Variants in ARHGAP18 observed in about 807,000 individuals in gnomAD.
ARHGAP18 encodes rho GTPase-activating protein 18.
A neutral mutation model predicts 86.2 loss-of-function variants in ARHGAP18; 67 were observed. The ratio of observed to expected loss-of-function variants is 0.78; its 90% CI spans 0.64 to 0.95. The LOEUF (loss-of-function observed/expected upper bound fraction) is 0.95. ARHGAP18 is among the 40% of genes least tolerant of loss of function. ARHGAP18 has a pLI of 0.00. For missense variants in ARHGAP18, 691 were observed against 780.4 expected (o/e 0.89, Z 1.37); for synonymous variants, 283 against 280.4 (o/e 1.01, Z -0.09).
intron 1 of ARHGAP18, 45 bp from the exon 2 acceptor site, chr6:129,642,063 A>T: frequency 3.2e-6 from 5 of 1,566,560 alleles, no homozygotes; most frequent in Admixed American, 1.7e-5. Context: ...TACAAAAGGA[A>T]GCAGTATAAT....
chr6:129,599,814 T>C (rs1788701103), intron 11 of ARHGAP18, among the ~76,000 whole-genome samples: 1 of 152,124 alleles, frequency 6.6e-6, no homozygotes, highest in African/African-American at 2.4e-5. Context: ...AGCTGATAGG[T>C]AGCTAGCAAA....
intron 1 of ARHGAP18, among the ~76,000 whole-genome samples, chr6:129,688,563 C>T (rs184542542): frequency 1.1e-4 from 16 of 152,222 alleles, no homozygotes; most frequent in African/African-American, 3.1e-4. Context: ...GAGGCCGAGG[C>T]GGGTGGATCA....
intron 5 of ARHGAP18, among the ~76,000 whole-genome samples, chr6:129,625,450 T>TAA (rs571776847): frequency 4.6e-5 from 2 of 43,428 alleles, no homozygotes; most frequent in Non-Finnish European, 3.9e-5. Flanking sequence ...ATATTTTATA[T>TAA]TATATATTAT....
intron 1 of ARHGAP18, among the ~76,000 whole-genome samples, chr6:129,688,024 T>C (rs1483978751): frequency 6.6e-6 from 1 of 152,144 alleles, no homozygotes; most frequent in Non-Finnish European, 1.5e-5. Flanking sequence ...GATGGAGCAA[T>C]TGGGTATTCT....
chr6:129,651,662 C>T (rs1170396907), intron 1 of ARHGAP18, among the ~76,000 whole-genome samples: 2 of 152,138 alleles, frequency 1.3e-5, no homozygotes, highest in African/African-American at 4.8e-5. Context: ...TAACACTCCT[C>T]AGGCCCTGCG....
chr6:129,664,496 G>A (rs1472330007), intron 1 of ARHGAP18, among the ~76,000 whole-genome samples: 2 of 151,964 alleles, frequency 1.3e-5, no homozygotes, highest in African/African-American at 4.8e-5. Flanking sequence ...GAATAGAGAT[G>A]TTAGTAAAGA....
In ARHGAP18 at chr6:129,625,334, T is replaced by C. The variant is rs1273931837; in HGVS notation, c.786+4019A>G. Among the ~76,000 whole-genome samples the C allele has an allele frequency of 2.4e-5, 2 of 84,938 alleles. 1 individual carries two copies. Among genetic ancestry groups the C allele is most frequent in the Non-Finnish European group, 4.0e-5 (2 of 50,484 alleles). The allele number at this position is 84,938 out of a possible 152,430, so 55.7% of individuals were successfully genotyped here. On this transcript the variant is annotated intron_variant, in intron 5 of 14. Coordinates refer to ENST00000368149, the MANE Select transcript of ARHGAP18 (RefSeq NM_033515.3). The stretch of plus-strand genomic sequence containing the variant: ...TATATGTAATATATATGATATATGA[T>C]ATATATTTATATGTAATATATATTA...
At chr6:129,654,760 C>T (rs1773792104) in intron 1 of ARHGAP18, among the ~76,000 whole-genome samples, 1 of 152,202 alleles carries the variant, frequency 6.6e-6, no homozygotes, top group South Asian at 2.1e-4. Context: ...CATCGCTACA[C>T]ACCTGGATCC....
At chr6:129,660,026 G>T (rs757625372) in intron 1 of ARHGAP18, among the ~76,000 whole-genome samples, 5 of 152,152 alleles carry the variant, frequency 3.3e-5, no homozygotes, top group Non-Finnish European at 5.9e-5. Context: ...TAGACAGACT[G>T]CATTCATTTT....
At chr6:129,585,690 C>A (rs1788383707) in intron 12 of ARHGAP18, among the ~76,000 whole-genome samples, 1 of 152,224 alleles carries the variant, frequency 6.6e-6, no homozygotes, top group Non-Finnish European at 1.5e-5. Context: ...CAAACCTGAA[C>A]AAAAATGGAC....
In ARHGAP18 at chr6:129,625,369, ATATATAT is replaced by A. The variant is rs1415758836; in HGVS notation, c.786+3977_786+3983del. Among the ~76,000 whole-genome samples the A allele has an allele frequency of 3.2e-4, 15 of 46,408 alleles. 3 individuals are homozygous for A. The highest frequency in any genetic ancestry group is 9.3e-4 in the African/African-American group (11 of 11,866). The allele number at this position is 46,408 out of a possible 152,430, so 30.4% of individuals were successfully genotyped here. ...TATGTAATATATATTATGTATATTT[ATATATAT>A]TATATATTATATATTTATACATATG... On this transcript the variant is annotated intron_variant, in intron 5 of 14. Coordinates refer to ENST00000368149, the MANE Select transcript of ARHGAP18 (RefSeq NM_033515.3).
At chr6:129,703,982 A>G (rs1411491604) in intron 1 of ARHGAP18, among the ~76,000 whole-genome samples, 3 of 85,282 alleles carry the variant, frequency 3.5e-5, no homozygotes, top group African/African-American at 1.2e-4. Context: ...AAAAAAATAT[A>G]TATATATGAT....
At chr6:129,649,070 A>C in intron 1 of ARHGAP18, among the ~76,000 whole-genome samples, 1 of 152,196 alleles carries the variant, frequency 6.6e-6, no homozygotes, top group Non-Finnish European at 1.5e-5. Context: ...CACTCGCCCC[A>C]CACACACCCA....
chr6:129,647,381 C>T (rs940170108), intron 1 of ARHGAP18, among the ~76,000 whole-genome samples: 1 of 152,280 alleles, frequency 6.6e-6, no homozygotes, highest in African/African-American at 2.4e-5. Flanking sequence ...GTGTTCCCTA[C>T]CCTGTTTAAA....
chr6:129,691,651 G>C (rs1008156191), intron 1 of ARHGAP18, among the ~76,000 whole-genome samples: 8 of 151,832 alleles, frequency 5.3e-5, no homozygotes, highest in African/African-American at 1.5e-4. Context: ...AGTGCTTCTC[G>C]GGCCACCTAA....
rs1562686604 is a variant in ARHGAP18 at position 129,605,967 on chromosome 6, C to T, written c.1283-8G>A. ...GCTTCTTGGTTGGAAGATCTGCAGA[C>T]AAATTAAATAAATCTGAACTCTTTT... On this transcript the variant is annotated splice_polypyrimidine_tract_variant and splice_region_variant and intron_variant, in intron 9 of 14. Coordinates refer to ENST00000368149, the MANE Select transcript of ARHGAP18 (RefSeq NM_033515.3). 1.2e-6 allele frequency: 2 copies of T among 1,611,712 alleles called. No individual in the cohort carries two copies. The highest frequency in any genetic ancestry group is 8.5e-7 in the Non-Finnish European group (1 of 1,178,066).
At position 129,709,895 on chromosome 6, in the gene ARHGAP18, A is replaced by G. The variant is rs1465439196; in HGVS notation, c.113+129T>C. 8 of 691,600 alleles carry G rather than the reference A, an allele frequency of 1.2e-5. No individual in the cohort carries two copies. In the East Asian group the frequency reaches 1.9e-4, roughly 16 times the overall value. 42.8% of individuals were successfully genotyped at this position (691,600 alleles called of 1,614,324 possible). On this transcript the variant is annotated intron_variant, in intron 1 of 14. Coordinates refer to ENST00000368149, the MANE Select transcript of ARHGAP18 (RefSeq NM_033515.3). ...CATAAAAATCACGCCAAACGTTGCT[A>G]CTGCTGCTGCACGAGCTCAGGCTCG...
chr6:129,578,597 G>C lies in ARHGAP18; in HGVS notation c.1908C>G (p.Arg636=). 1.9e-6 allele frequency: 3 copies of C among 1,609,072 alleles called. No homozygotes were observed. The highest frequency in any genetic ancestry group is 2.5e-6 in the Non-Finnish European group (3 of 1,176,998). ...LYEIGGNIGE[R]CLDDDTYMKD... Reference sequence around the variant, plus strand: ...TCATGTAAGTGTCATCATCAAGGCAGCGTTCCCCTGTTAAAATAGATGTTG... The same window carrying C: ...TCATGTAAGTGTCATCATCAAGGCACCGTTCCCCTGTTAAAATAGATGTTG... Residue 636 remains arginine (R), a synonymous_variant, in exon 15 of 15, where the codon CGC becomes CGG. Coordinates refer to ENST00000368149, the MANE Select transcript of ARHGAP18 (RefSeq NM_033515.3).
At chr6:129,633,060 T>A (rs1346404402) in intron 4 of ARHGAP18, among the ~76,000 whole-genome samples, 1 of 152,148 alleles carries the variant, frequency 6.6e-6, no homozygotes, top group Admixed American at 6.6e-5. Context: ...TAACTTCACT[T>A]AGAATATTTT....
Sources: allele counts gnomAD v4.1 joint callset (sites outside exome capture counted in the v4.1 genomes callset), GRCh38; gene constraint gnomAD v4.1.1; transcripts MANE v1.5; gene names NCBI Gene and HGNC (gene_info 2026-07-23, HGNC 2026-07-21).